RHBDD3: variants seen among roughly 807,000 people sequenced by gnomAD.
RHBDD3 encodes the protein rhomboid domain containing 3.
In RHBDD3, 34 loss-of-function variants were observed where a neutral mutation model predicts 32.3. That is an observed-to-expected ratio of 1.05 (90% CI 0.80 to 1.40). The LOEUF (loss-of-function observed/expected upper bound fraction) is 1.40, where lower values mean the gene tolerates loss of function less well. Among genes scored for constraint, RHBDD3 ranks in the 40% most tolerant of loss-of-function variants. RHBDD3 has a pLI of 0.00. For missense variants in RHBDD3, 482 were observed against 492.6 expected (o/e 0.98, Z 0.20); for synonymous variants, 249 against 239.1 (o/e 1.04, Z -0.38).
chr22:29,260,865 C>T lies in RHBDD3; in HGVS notation c.533-1G>A, dbSNP rs759222992. On this transcript the variant is annotated splice_acceptor_variant, in intron 4 of 6. Transcript: ENST00000216085. LOFTEE classifies it high-confidence loss of function. ...AGCCACCGGAAGGCCCCAGCTGCAT[C>T]TGTCTGCCCGGGGCAGGGCGGCCGG... 3 of 1,576,350 alleles carry T rather than the reference C, an allele frequency of 1.9e-6. No homozygotes were observed. Among genetic ancestry groups the T allele is most frequent in the East Asian group, 4.5e-5 (2 of 44,590 alleles).
chr22:29,265,613 C>A lies in RHBDD3; in HGVS notation c.14G>T (p.Gly5Val). The A allele has an allele frequency of 1.3e-6, 2 of 1,587,180 alleles. No individual in the cohort carries two copies. The highest frequency in any genetic ancestry group is 1.7e-6 in the Non-Finnish European group (2 of 1,170,070). The stretch of plus-strand genomic sequence containing the variant: ...TGCTGGGGACAGTTGGCCATGGGGG[C>A]CCCTGGCATGCATCGCTTGGTTGAG... MHAR[G>V]PHGQLSPALP... The change falls in exon 3 of 7, where the codon GGC (glycine) becomes GTC (valine). Residue 5 changes from glycine (G) to valine (V), a missense_variant. Gly to Val is a moderately radical substitution (Grantham distance 109). Coordinates refer to ENST00000216085, the MANE Select transcript of RHBDD3 (RefSeq NM_012265.3).
intron 4 of RHBDD3, among the ~76,000 whole-genome samples, chr22:29,262,234 G>C (rs2058128943): frequency 2.0e-5 from 3 of 146,994 alleles, no homozygotes; most frequent in African/African-American, 7.6e-5. Flanking sequence ...TCTCTCCTGG[G>C]TTCCAGCAAT....
intron 3 of RHBDD3, among the ~76,000 whole-genome samples, chr22:29,264,879 G>C (rs910937365): frequency 6.6e-6 from 1 of 151,802 alleles, no homozygotes. Context: ...CCAGGTTCGC[G>C]CCATTCTCCT....
rs767715364 is a variant in RHBDD3 at position 29,260,310 on chromosome 22, G to A, written c.983+16C>T. The A allele has an allele frequency of 6.2e-7, 1 of 1,606,212 alleles. No individual in the cohort carries two copies. Among genetic ancestry groups the A allele is most frequent in the Non-Finnish European group, 8.5e-7 (1 of 1,175,810 alleles). On this transcript the variant is annotated intron_variant, in intron 6 of 6. Coordinates refer to ENST00000216085, the MANE Select transcript of RHBDD3 (RefSeq NM_012265.3). The stretch of plus-strand genomic sequence containing the variant: ...CCCTATACCAGGGGACCCCACCTCT[G>A]CCCACCCCACCTTACCGCAGAGAGG...
intron 4 of RHBDD3, 67 bp from the exon 5 acceptor site, chr22:29,260,931 C>T: frequency 1.4e-6 from 2 of 1,422,376 alleles, no homozygotes; most frequent in Non-Finnish European, 1.9e-6. Context: ...GCCCACGCCA[C>T]AGGCCAGGCC....
At position 29,264,190 on chromosome 22, in the gene RHBDD3, G is replaced by A. The variant is rs752495756; in HGVS notation, c.177C>T (p.Gly59=). The A allele has an allele frequency of 6.4e-6, 10 of 1,563,694 alleles. No homozygotes were observed. The highest frequency in any genetic ancestry group is 8.7e-6 in the Non-Finnish European group (10 of 1,155,320). ...QVHRLLTHAL[G]HTALPGLLLS... is the part of the protein sequence containing the mutation. ...GGAGCAGGCCTGGCAGGGCCGTGTG[G>A]CCCAGGGCATGGGTCAGCAGCCGGT... Residue 59 remains glycine, a synonymous_variant, in exon 4 of 7, where the codon GGC becomes GGT. Coordinates refer to ENST00000216085, the MANE Select transcript of RHBDD3 (RefSeq NM_012265.3).
intron 2 of RHBDD3, 99 bp from the exon 3 acceptor site, chr22:29,265,767 G>A: frequency 8.0e-7 from 1 of 1,242,790 alleles, no homozygotes. Flanking sequence ...TACAGAGGTG[G>A]AAACAGGCTG....
chr22:29,265,340 G>T, intron 3 of RHBDD3, 139 bp downstream of exon 3: 1 of 667,666 alleles, frequency 1.5e-6, no homozygotes, highest in Non-Finnish European at 2.4e-6. Flanking sequence ...GCATGCTCCT[G>T]TCTAAGGCCA....
At chr22:29,267,190 G>C (rs1373746477) in intron 2 of RHBDD3, 1 of 152,288 alleles carries the variant, frequency 6.6e-6, no homozygotes, top group Non-Finnish European at 1.5e-5. Flanking sequence ...GGGGGCTGGG[G>C]CTAGAGGTCC....
intron 3 of RHBDD3, 101 bp from the exon 4 acceptor site, chr22:29,264,319 G>A: frequency 2.5e-5 from 36 of 1,434,542 alleles, no homozygotes; most frequent in Non-Finnish European, 2.7e-5. Flanking sequence ...AGGGCCACCT[G>A]CTGAGCCCAC....
Position 29,260,162 on chromosome 22 carries a change from C to T in RHBDD3, c.1059G>A (p.Glu353=). 1 of 1,589,552 alleles carries T rather than the reference C, an allele frequency of 6.3e-7. No homozygotes were observed. Residue 353 remains glutamate, a synonymous_variant, in exon 7 of 7, where the codon GAG becomes GAA. Coordinates refer to ENST00000216085, the MANE Select transcript of RHBDD3 (RefSeq NM_012265.3). ...CTCCAACCAACAGTGACACGGCACCCTCCACACGGCCTGTGGCTGCCAGTG... is the reference window on the plus strand; with the variant it reads ...CTCCAACCAACAGTGACACGGCACCTTCCACACGGCCTGTGGCTGCCAGTG... ...VVALAATGRV[E]GAVSLLVGGQ... is the part of the protein sequence containing the mutation.
intron 4 of RHBDD3, chr22:29,261,742 A>G (rs1047751341): frequency 1.7e-5 from 3 of 175,348 alleles, no homozygotes; most frequent in Non-Finnish European, 1.2e-5. Context: ...GCAACCTCCA[A>G]CTCCGAGGTT....
At position 29,260,442 on chromosome 22, in the gene RHBDD3, C is replaced by T. The variant is rs138870856; in HGVS notation, c.867G>A (p.Trp289Ter). 15,148 of 1,611,200 alleles carry T rather than the reference C, an allele frequency of 9.4e-3. 102 individuals carry two copies. The highest frequency in any genetic ancestry group is 0.011 in the Non-Finnish European group (13,439 of 1,179,372). Residue 289 changes from tryptophan (W) to a stop codon, truncating the protein, a stop_gained, in exon 6 of 7, where the codon TGG becomes TGA. Coordinates refer to ENST00000216085, the MANE Select transcript of RHBDD3 (RefSeq NM_012265.3). LOFTEE classifies it high-confidence loss of function. ...GASFSPGTPM[W>*]AALDEQMLQE... ...GCAGCATCTGCTCATCCAAGGCCGC[C>T]CACATCGGAGTCCCTGGGGAGAAGC...
At chr22:29,267,242 G>A (rs1233526735) in intron 2 of RHBDD3, 184 bp downstream of exon 2, 4 of 152,512 alleles carry the variant, frequency 2.6e-5, no homozygotes, top group African/African-American at 9.6e-5. Context: ...GGCAGGGTTT[G>A]GGGCCAAGGC....
At chr22:29,265,699 T>A in intron 2 of RHBDD3, 31 bp from the exon 3 acceptor site, 2 of 1,496,752 alleles carry the variant, frequency 1.3e-6, no homozygotes, top group Non-Finnish European at 1.8e-6. Context: ...TAACAAGTTA[T>A]TACTGGAGCT....
At chr22:29,263,705 G>T (rs776174069) in intron 4 of RHBDD3, 130 bp downstream of exon 4, 7 of 1,401,998 alleles carry the variant, frequency 5.0e-6, no homozygotes, top group Non-Finnish European at 5.6e-6. Flanking sequence ...ACTCAGAGAA[G>T]CTCCTGGAAT....
chr22:29,264,484 G>A (rs1037032013), intron 3 of RHBDD3: 20 of 1,270,254 alleles, frequency 1.6e-5, no homozygotes, highest in Non-Finnish European at 2.0e-5. Context: ...CCGCTACAGA[G>A]CACTCACTAT....
chr22:29,262,123 T>G (rs984538140), intron 4 of RHBDD3: 8 of 150,544 alleles, frequency 5.3e-5, no homozygotes, highest in African/African-American at 1.9e-4. Context: ...ATCTTGATTA[T>G]TATAATTTTG....
At chr22:29,262,350 G>A (rs776782328) in intron 4 of RHBDD3, among the ~76,000 whole-genome samples, 1 of 152,002 alleles carries the variant, frequency 6.6e-6, no homozygotes, top group Non-Finnish European at 1.5e-5. Flanking sequence ...TGTTGGCCAC[G>A]CTGGTCCTGA....
Sources: gnomAD v4.1 joint callset for allele counts (sites outside exome capture counted in the v4.1 genomes callset) on GRCh38, gnomAD v4.1.1 for gene constraint, MANE v1.5 for transcripts, NCBI Gene and HGNC (gene_info 2026-07-23, HGNC 2026-07-21) for gene names.